Variants in MTHFD1L observed in about 807,000 individuals in gnomAD.
MTHFD1L encodes monofunctional C1-tetrahydrofolate synthase, mitochondrial.
In MTHFD1L, 81 loss-of-function variants were observed where a neutral mutation model predicts 119.5. That is an observed-to-expected ratio of 0.68 (90% CI 0.57 to 0.82). MTHFD1L has a LOEUF of 0.82. MTHFD1L is among the 40% of genes least tolerant of loss of function. The pLI is 0.00. For synonymous variants in MTHFD1L, 430 were observed against 475.2 expected (o/e 0.90, Z 1.24); for missense variants, 1,125 against 1,253.4 (o/e 0.90, Z 1.55).
intron 20 of MTHFD1L, among the ~76,000 whole-genome samples, chr6:150,992,429 A>T (rs972051451): frequency 6.6e-6 from 1 of 152,210 alleles, no homozygotes. Context: ...AGGAGTTATG[A>T]CCATGGGAAG....
intron 7 of MTHFD1L, among the ~76,000 whole-genome samples, chr6:150,890,906 T>A (rs1262116026): frequency 6.6e-6 from 1 of 152,240 alleles, no homozygotes; most frequent in African/African-American, 2.4e-5. Flanking sequence ...ATAGTCATAG[T>A]TCATAAAACA....
intron 9 of MTHFD1L, among the ~76,000 whole-genome samples, chr6:150,920,983 C>T (rs946108341): frequency 2.6e-4 from 28 of 108,176 alleles, no homozygotes; most frequent in African/African-American, 1.0e-3. Flanking sequence ...CAGAGTTTAG[C>T]TCTTGTTGCC....
chr6:151,032,301 A>G (rs1157643802), intron 24 of MTHFD1L, among the ~76,000 whole-genome samples: 1 of 152,210 alleles, frequency 6.6e-6, no homozygotes, highest in Non-Finnish European at 1.5e-5. Flanking sequence ...TGAGGGCCTC[A>G]GGAAGCTTCC....
At chr6:150,959,602 G>C (rs1156872793) in intron 17 of MTHFD1L, among the ~76,000 whole-genome samples, 2 of 152,214 alleles carry the variant, frequency 1.3e-5, no homozygotes, top group Admixed American at 1.3e-4. Context: ...CTCCTGGGCA[G>C]CTGAAAATTG....
intron 20 of MTHFD1L, among the ~76,000 whole-genome samples, chr6:150,988,927 A>T (rs1042464429): frequency 6.9e-6 from 1 of 145,294 alleles, no homozygotes; most frequent in African/African-American, 2.6e-5. Flanking sequence ...TTTAGTAGAG[A>T]TGGGGTTTCT....
intron 2 of MTHFD1L, among the ~76,000 whole-genome samples, chr6:150,876,692 C>T (rs1223876007): frequency 2.6e-5 from 4 of 152,186 alleles, no homozygotes; most frequent in Non-Finnish European, 5.9e-5. Context: ...CCACAGTTGG[C>T]CCCAGTTGCC....
At position 151,039,200 on chromosome 6, in the gene MTHFD1L, G is replaced by A. The variant is rs1188025986; in HGVS notation, c.2847+2083G>A. 1.3e-5 allele frequency among the ~76,000 whole-genome samples: 2 copies of A among 152,084 alleles called. No homozygotes were observed. Among genetic ancestry groups the A allele is most frequent in the African/African-American group, 2.4e-5 (1 of 41,410 alleles). ...AAGGAGCAGCGGCATGGCAGAGAACGTCCAGAAAAATCCCACAGACACCGC... is the reference window on the plus strand; with the variant it reads ...AAGGAGCAGCGGCATGGCAGAGAACATCCAGAAAAATCCCACAGACACCGC... On this transcript the variant is annotated intron_variant, in intron 26 of 27. Transcript: ENST00000367321. The surrounding 1 kb of genome is among the most constrained non-coding windows in gnomAD (Gnocchi z 4.4).
At chr6:150,927,369 G>A (rs747877881) in intron 11 of MTHFD1L, among the ~76,000 whole-genome samples, 6 of 151,658 alleles carry the variant, frequency 4.0e-5, no homozygotes, top group Non-Finnish European at 8.8e-5. Context: ...AGCATATGTG[G>A]CATACTGAGC....
rs1480114230 is a variant in MTHFD1L at position 151,014,910 on chromosome 6, A to G, written c.2338A>G (p.Asn780Asp). Residue 780 changes from asparagine to aspartate, a missense_variant, in exon 23 of 28, where the codon AAC (asparagine) becomes GAC (aspartate). By Grantham distance (23) the Asn-to-Asp change is conservative (BLOSUM62 1). Around this residue, in one of 3 missense-constraint regions of MTHFD1L, gnomAD observed 1,058 missense variants for 1,151.2 expected, o/e 0.92. Coordinates refer to ENST00000367321, the MANE Select transcript of MTHFD1L (RefSeq NM_015440.5). ...CCAGCTGGTGGCAGACGGCTGCTGT[A>G]ACCTCCAGAAGCAAATTCAGATCAC... ...NIQLVADGCCNLQKQIQITQL... is the reference protein window; with the variant it reads ...NIQLVADGCCDLQKQIQITQL... 2.5e-6 allele frequency: 4 copies of G among 1,613,962 alleles called. No individual in the cohort carries two copies. Among genetic ancestry groups the G allele is most frequent in the Non-Finnish European group, 3.4e-6 (4 of 1,180,002 alleles).
rs142149973 is a variant in MTHFD1L, at chr6:150,921,045, G to A, written c.985-1160G>A. Among the ~76,000 whole-genome samples the A allele has an allele frequency of 6.3e-3, 914 of 145,234 alleles. 8 individuals are homozygous for A. Among genetic ancestry groups the A allele is most frequent in the African/African-American group, 0.022 (864 of 39,554 alleles). On this transcript the variant is annotated intron_variant, in intron 9 of 27. Coordinates refer to ENST00000367321, the MANE Select transcript of MTHFD1L (RefSeq NM_015440.5). ...CGGCTCACTGCAACCTCCATCTCCCGGGCTCAAGTGATTCTCCCGCCTCAG... is the reference window on the plus strand; with the variant it reads ...CGGCTCACTGCAACCTCCATCTCCCAGGCTCAAGTGATTCTCCCGCCTCAG...
chr6:150,985,660 C>CAAAAA (rs71014533), intron 20 of MTHFD1L, among the ~76,000 whole-genome samples: 29 of 78,762 alleles, frequency 3.7e-4, no homozygotes, highest in East Asian at 7.5e-4. Flanking sequence ...GACTCTGTCT[C>CAAAAA]AAAAAAAAAA....
chr6:151,061,051 G>A (rs1790559383), intron 26 of MTHFD1L, among the ~76,000 whole-genome samples: 1 of 152,198 alleles, frequency 6.6e-6, no homozygotes, highest in African/African-American at 2.4e-5. Context: ...AGGGAATGCA[G>A]AAATGGCTCT....
In MTHFD1L at chr6:151,090,845, CT is replaced by C. The variant is rs1562651102; in HGVS notation, c.2848-1621del. On this transcript the variant is annotated intron_variant, in intron 26 of 27. Transcript: ENST00000367321. ...CTCCAAGCGACTGGGTGCAGCATCG[CT>C]CCATGTGACTGGGTGCAGCATCGCC... Among the ~76,000 whole-genome samples, 248 of 143,466 alleles carry C rather than the reference CT, an allele frequency of 1.7e-3. 44 individuals are homozygous for C. The highest frequency in any genetic ancestry group is 7.4e-3 in the Middle Eastern group (2 of 270). The allele number at this position is 143,466 out of a possible 152,430, so 94.1% of individuals were successfully genotyped here. A position where few individuals can be genotyped will look rare whatever the true frequency, so the allele number is the denominator to read the frequency against.
chr6:150,875,547 G>A (rs2128739433), intron 1 of MTHFD1L, among the ~76,000 whole-genome samples: 1 of 152,122 alleles, frequency 6.6e-6, no homozygotes, highest in South Asian at 2.1e-4. Flanking sequence ...AGTGTTTCTG[G>A]AACTTTCCTC....
At chr6:150,880,068 A>G (rs1350044710) in intron 4 of MTHFD1L, among the ~76,000 whole-genome samples, 4 of 152,220 alleles carry the variant, frequency 2.6e-5, no homozygotes, top group Non-Finnish European at 5.9e-5. Flanking sequence ...GGTTAGTTAC[A>G]TTCATCACCT....
chr6:150,937,047 G>A (rs1792190202), intron 12 of MTHFD1L, 107 bp downstream of exon 12: 4 of 1,376,212 alleles, frequency 2.9e-6, no homozygotes, highest in Non-Finnish European at 4.0e-6. Context: ...CAGGGGACTT[G>A]GTACATTTCT....
chr6:150,952,718 CGG>C (rs1461282383), intron 16 of MTHFD1L, among the ~76,000 whole-genome samples: 1 of 151,796 alleles, frequency 6.6e-6, no homozygotes, highest in Non-Finnish European at 1.5e-5. Context: ...TTAGTAGAGA[CGG>C]GGTTTCATCG....
intron 18 of MTHFD1L, among the ~76,000 whole-genome samples, chr6:150,964,238 G>A (rs1001531881): frequency 1.3e-5 from 2 of 148,824 alleles, no homozygotes; most frequent in Non-Finnish European, 2.9e-5. Flanking sequence ...TTTGGCACAT[G>A]TTTTCCGCTA....
intron 20 of MTHFD1L, among the ~76,000 whole-genome samples, chr6:150,998,835 A>C (rs1780186645): frequency 6.6e-6 from 1 of 150,436 alleles, no homozygotes; most frequent in Admixed American, 6.7e-5. Context: ...AAAAAAAAAA[A>C]AAACATTAGC....
Sources: gnomAD v4.1 joint callset for allele counts (sites outside exome capture counted in the v4.1 genomes callset) on GRCh38, gnomAD v4.1.1 for gene constraint, gnomAD v4.1.1 regional missense constraint, Gnocchi (gnomAD v3.1) non-coding constraint, MANE v1.5 for transcripts, NCBI Gene and HGNC (gene_info 2026-07-23, HGNC 2026-07-21) for gene names.